The following ASCC3 variants were observed in gnomAD, a reference collection of about 807,000 sequenced individuals.
ASCC3 encodes the protein ASC-1 complex subunit P200.
Under a neutral mutation model 256.3 loss-of-function variants are expected in ASCC3, and 158 were observed. The observed-to-expected ratio is 0.62, with a 90% CI of 0.54 to 0.70. ASCC3 has a LOEUF of 0.70. Ranked by LOEUF, ASCC3 falls within the 30% of genes least tolerant of loss-of-function variation. The probability of loss-of-function intolerance (pLI) is 0.00; values close to 1 mark genes in which losing one functional copy is unlikely to be tolerated. For missense variants in ASCC3, 2,259 were observed against 2,626.0 expected (o/e 0.86, Z 3.05); for synonymous variants, 948 against 883.4 (o/e 1.07, Z -1.30).
chr6:100,679,684 T>A lies in ASCC3; in HGVS notation c.2220A>T (p.Lys740Asn). Residue 740 changes from lysine to asparagine, a missense_variant, in exon 14 of 42, where the codon AAA (lysine) becomes AAT (asparagine). Coordinates refer to ENST00000369162, the MANE Select transcript of ASCC3 (RefSeq NM_006828.4). The stretch of plus-strand genomic sequence containing the variant: ...AAAAGAAGGGAATATGGCCACAATT[T>A]TTTGCTCTTTCTATTAGAGACATAG... ...RTAMSLIERA[K>N]NCGHIPFFFP... The A allele has an allele frequency of 6.2e-7, 1 of 1,613,732 alleles. No homozygotes were observed. The highest frequency in any genetic ancestry group is 8.5e-7 in the Non-Finnish European group (1 of 1,179,748).
At chr6:100,853,874 A>C (rs1239649580) in intron 3 of ASCC3, among the ~76,000 whole-genome samples, 1 of 152,182 alleles carries the variant, frequency 6.6e-6, no homozygotes, top group Non-Finnish European at 1.5e-5. Flanking sequence ...TTTCTTTTAC[A>C]AATATGTAAA....
At chr6:100,577,145 T>TAA (rs201915028) in intron 36 of ASCC3, among the ~76,000 whole-genome samples, 4 of 151,768 alleles carry the variant, frequency 2.6e-5, no homozygotes, top group Non-Finnish European at 5.9e-5. Flanking sequence ...CCCTACGTTG[T>TAA]AAAAAAAATC....
chr6:100,823,944 A>C (rs1197388999), intron 4 of ASCC3, among the ~76,000 whole-genome samples: 3 of 152,200 alleles, frequency 2.0e-5, no homozygotes. Flanking sequence ...CACAGATATC[A>C]CCACAAATAC....
At chr6:100,787,745 T>C (rs1179442261) in intron 8 of ASCC3, among the ~76,000 whole-genome samples, 2 of 152,054 alleles carry the variant, frequency 1.3e-5, no homozygotes, top group Non-Finnish European at 2.9e-5. Flanking sequence ...ATCTTTTTGA[T>C]AAATGATGCC....
At chr6:100,628,009 A>T (rs1018125531) in intron 27 of ASCC3, 22 bp from the exon 28 acceptor site, 1 of 1,611,910 alleles carries the variant, frequency 6.2e-7, no homozygotes, top group Non-Finnish European at 8.5e-7. Context: ...GGAAAAATCA[A>T]TGTTAATCAT....
chr6:100,623,081 C>A (rs892855778), intron 30 of ASCC3, among the ~76,000 whole-genome samples: 3 of 151,984 alleles, frequency 2.0e-5, no homozygotes, highest in Admixed American at 2.0e-4. Flanking sequence ...TAGAGAGATA[C>A]CACACATAAA....
intron 20 of ASCC3, among the ~76,000 whole-genome samples, chr6:100,648,804 T>C (rs1775514803): frequency 6.6e-6 from 1 of 151,916 alleles, no homozygotes; most frequent in African/African-American, 2.4e-5. Flanking sequence ...ATCCCCTCAA[T>C]GCTAAAAGAA....
In ASCC3 at chr6:100,861,741, C is replaced by T. The variant is rs78666559; in HGVS notation, c.241+2323G>A. ...ATTAATCTCAAAATAATCCCTTAAACGCATGGGCCAGGTGATCAGTCCCTA... is the reference window on the plus strand; with the variant it reads ...ATTAATCTCAAAATAATCCCTTAAATGCATGGGCCAGGTGATCAGTCCCTA... On this transcript the variant is annotated intron_variant, in intron 3 of 41. Coordinates refer to ENST00000369162, the MANE Select transcript of ASCC3 (RefSeq NM_006828.4). 0.013 allele frequency among the ~76,000 whole-genome samples: 1,962 copies of T among 152,192 alleles called. 96 individuals carry two copies. In the East Asian group the frequency reaches 0.14, roughly 11 times the overall value.
At chr6:100,609,633 G>C (rs1453796252) in intron 30 of ASCC3, among the ~76,000 whole-genome samples, 1 of 152,140 alleles carries the variant, frequency 6.6e-6, no homozygotes, top group East Asian at 1.9e-4. Flanking sequence ...GCTGGGTGTG[G>C]TGGCTCAAAC....
intron 4 of ASCC3, among the ~76,000 whole-genome samples, chr6:100,827,726 T>C (rs1259633981): frequency 6.6e-6 from 1 of 152,206 alleles, no homozygotes; most frequent in South Asian, 2.1e-4. Flanking sequence ...TACTATATTG[T>C]ACACTTTTCA....
chr6:100,582,802 G>C (rs983893308), intron 36 of ASCC3, among the ~76,000 whole-genome samples: 1 of 152,142 alleles, frequency 6.6e-6, no homozygotes, highest in African/African-American at 2.4e-5. Flanking sequence ...ATGAAGGGTT[G>C]TTGAATTTTG....
intron 13 of ASCC3, among the ~76,000 whole-genome samples, chr6:100,681,582 C>T (rs569698668): frequency 2.6e-5 from 4 of 151,674 alleles, no homozygotes; most frequent in East Asian, 3.9e-4. Context: ...CAAAAATTAG[C>T]GGGGCGTGGT....
intron 10 of ASCC3, among the ~76,000 whole-genome samples, chr6:100,760,748 G>T (rs770441063): frequency 6.6e-6 from 1 of 152,090 alleles, no homozygotes; most frequent in Non-Finnish European, 1.5e-5. Context: ...AATCAGTGGC[G>T]TCAAACATAG....
chr6:100,673,481 G>T (rs1387455181), intron 14 of ASCC3, among the ~76,000 whole-genome samples: 2 of 151,926 alleles, frequency 1.3e-5, no homozygotes, highest in East Asian at 3.9e-4. Flanking sequence ...TTAATTTATT[G>T]TAAGAAATTT....
rs1055533965 is a variant in ASCC3, at chr6:100,569,540, G to A, written c.5550+20094C>T. Among the ~76,000 whole-genome samples, 6 of 151,850 alleles carry A rather than the reference G, an allele frequency of 4.0e-5. 1 individual carries two copies. The South Asian group carries it at 1.2e-3, about 32-fold the overall frequency. On this transcript the variant is annotated intron_variant, in intron 36 of 41. Coordinates refer to ENST00000369162, the MANE Select transcript of ASCC3 (RefSeq NM_006828.4). ...TGGGACTACAGGACCCCACCAACAT[G>A]CCAGGCTAATTTTTTGTATTTTTTT...
intron 4 of ASCC3, among the ~76,000 whole-genome samples, chr6:100,842,626 T>C (rs914197718): frequency 1.3e-5 from 2 of 152,174 alleles, no homozygotes; most frequent in Non-Finnish European, 2.9e-5. Context: ...TTATTTTTCA[T>C]AAAAATGTTA....
chr6:100,830,821 T>C (rs1771584623), intron 4 of ASCC3, among the ~76,000 whole-genome samples: 1 of 152,222 alleles, frequency 6.6e-6, no homozygotes, highest in African/African-American at 2.4e-5. Flanking sequence ...TATGGGAACC[T>C]ATACTCATAT....
intron 37 of ASCC3, among the ~76,000 whole-genome samples, chr6:100,521,568 G>A (rs1248742762): frequency 6.6e-6 from 1 of 152,172 alleles, no homozygotes; most frequent in Non-Finnish European, 1.5e-5. Context: ...TGGTAATCAG[G>A]TTCTGTACTA....
intron 13 of ASCC3, among the ~76,000 whole-genome samples, chr6:100,680,560 A>G (rs1582685217): frequency 6.6e-6 from 1 of 152,216 alleles, no homozygotes; most frequent in Non-Finnish European, 1.5e-5. Flanking sequence ...ATTTTCTCAT[A>G]TAGACTACTG....
Sources: allele counts gnomAD v4.1 joint callset (sites outside exome capture counted in the v4.1 genomes callset), GRCh38; gene constraint gnomAD v4.1.1; transcripts MANE v1.5; gene names NCBI Gene and HGNC (gene_info 2026-07-23, HGNC 2026-07-21).